AP1G1: variants seen among roughly 807,000 people sequenced by gnomAD.
The protein encoded by AP1G1 is AP-1 complex subunit gamma-1.
A neutral mutation model predicts 108.3 loss-of-function variants in AP1G1; 7 were observed. That is an observed-to-expected ratio of 0.06 (90% CI 0.04 to 0.12). AP1G1 has a LOEUF of 0.12. Among genes scored for constraint, AP1G1 ranks in the 10% least tolerant of loss-of-function variants. The pLI is 1.00. For missense variants in AP1G1, 756 were observed against 1,010.7 expected, an observed-to-expected ratio of 0.75 and a Z score of 3.42; for synonymous variants, 379 against 353.5, an observed-to-expected ratio of 1.07 and a Z score of -0.81.
intron 1 of AP1G1, 49 bp downstream of exon 1, chr16:71,808,714 G>T (rs932585747): frequency 1.6e-6 from 2 of 1,285,724 alleles, no homozygotes; most frequent in South Asian, 1.2e-5. Flanking sequence ...CCGCGGCAGC[G>T]GCGGGGCAAA....
chr16:71,743,545 G>C (rs4788442), intron 19 of AP1G1: 52,208 of 151,002 alleles, frequency 0.35, 9,792 homozygotes, highest in East Asian at 0.76. Context: ...AGAGGTTGAA[G>C]TGAGCCGAGA....
chr16:71,758,874 T>C lies in AP1G1; in HGVS notation c.1022A>G (p.Asn341Ser), dbSNP rs780483876. ...SLLKTVQTDH[N>S]AVQRHRSTIV... is the part of the protein sequence containing the mutation. ...TGTGCTTCTGTGCCTCTGTACTGCA[T>C]TATGATCTGTCTGTACAGTCTTCAA... The change falls in exon 11 of 23, where the codon AAT (asparagine) becomes AGT (serine). Residue 341 changes from asparagine to serine, a missense_variant. Transcript: ENST00000299980. The C allele has an allele frequency of 2.5e-6, 4 of 1,611,590 alleles. No individual in the cohort carries two copies. The highest frequency in any genetic ancestry group is 2.5e-6 in the Non-Finnish European group (3 of 1,179,306).
At chr16:71,782,324 C>A (rs561293891) in intron 2 of AP1G1, among the ~76,000 whole-genome samples, 1 of 151,588 alleles carries the variant, frequency 6.6e-6, no homozygotes, top group Admixed American at 6.6e-5. Flanking sequence ...CCACCATGCC[C>A]GGCTAATTTT....
intron 1 of AP1G1, among the ~76,000 whole-genome samples, chr16:71,790,527 C>CAAAAAAAA (rs56380847): frequency 9.5e-6 from 1 of 104,840 alleles, no homozygotes; most frequent in Non-Finnish European, 2.0e-5. Flanking sequence ...AACTCCATCT[C>CAAAAAAAA]AAAAAAAAAA....
In AP1G1 at chr16:71,806,775, C is replaced by T. The variant is rs114464910; in HGVS notation, c.-4+1988G>A. 1,026 of 1,155,462 alleles carry T rather than the reference C, an allele frequency of 8.9e-4. 12 individuals are homozygous for T. In the African/African-American group the frequency reaches 0.015, roughly 17 times the overall value. The allele number at this position is 1,155,462 out of a possible 1,614,324, so 71.6% of individuals were successfully genotyped here. A position where few individuals can be genotyped will look rare whatever the true frequency, so the allele number is the denominator to read the frequency against. On this transcript the variant is annotated intron_variant, in intron 1 of 22. Transcript: ENST00000299980. The stretch of plus-strand genomic sequence containing the variant: ...TCCATTGCTTCAGGGTAATACAGAA[C>T]TCACGTATCTAATAGTAACTAATAT...
At chr16:71,734,214 T>G (rs575047860) in intron 22 of AP1G1, among the ~76,000 whole-genome samples, 2 of 152,370 alleles carry the variant, frequency 1.3e-5, no homozygotes, top group Admixed American at 1.3e-4. Flanking sequence ...AAAGCTATTT[T>G]TCATTTGGCT....
intron 6 of AP1G1, chr16:71,766,373 G>A (rs891023988): frequency 4.6e-6 from 2 of 436,556 alleles, no homozygotes; most frequent in Non-Finnish European, 9.5e-6. Context: ...TATCCATTAA[G>A]AGTCCTAACA....
rs562500447 is a variant in AP1G1, at chr16:71,808,577, C to T, written c.-4+186G>A. On this transcript the variant is annotated intron_variant, in intron 1 of 22. Transcript: ENST00000299980. ...CCGGTCCGAGGCCTCGGGGTCGGCC[C>T]TCCAGAAGTCGGAGCAGCCCCTGGG... The T allele has an allele frequency of 7.0e-6, 9 of 1,289,310 alleles. No individual in the cohort carries two copies. In the African/African-American group the frequency reaches 1.4e-4, roughly 20 times the overall value. The allele number at this position is 1,289,310 out of a possible 1,614,324, so 79.9% of individuals were successfully genotyped here. A position where few individuals can be genotyped will look rare whatever the true frequency, so the allele number is the denominator to read the frequency against.
intron 1 of AP1G1, among the ~76,000 whole-genome samples, chr16:71,798,889 C>G (rs1375219211): frequency 6.7e-6 from 1 of 150,226 alleles, no homozygotes; most frequent in Non-Finnish European, 1.5e-5. Context: ...ACTCTGTCTC[C>G]CAGGAAAAAA....
In AP1G1 at chr16:71,808,272, G is replaced by A; in HGVS notation, c.-4+491C>T. 5 of 942,766 alleles carry A rather than the reference G, an allele frequency of 5.3e-6. No individual in the cohort carries two copies. The South Asian group carries it at 8.5e-5, about 16-fold the overall frequency. 58.4% of individuals were successfully genotyped at this position (942,766 alleles called of 1,614,324 possible). A position where few individuals can be genotyped will look rare whatever the true frequency, so the allele number is the denominator to read the frequency against. On this transcript the variant is annotated intron_variant, in intron 1 of 22. Transcript: ENST00000299980. ...CGGAAGGTTAGAGAGAGGCGAGGCCGATGTCCGGTTCCGAGAGGACGGCAC... is the reference window on the plus strand; with the variant it reads ...CGGAAGGTTAGAGAGAGGCGAGGCCAATGTCCGGTTCCGAGAGGACGGCAC...
chr16:71,805,016 A>G (rs1488701172), intron 1 of AP1G1, among the ~76,000 whole-genome samples: 3 of 152,074 alleles, frequency 2.0e-5, no homozygotes, highest in Admixed American at 2.0e-4. Context: ...GTCTCAATCA[A>G]TCAATCAATA....
rs1177518631 is a variant in AP1G1, at chr16:71,758,858, G to C, written c.1038C>G (p.His346Gln). Residue 346 changes from histidine to glutamine, a missense_variant, in exon 11 of 23, where the codon CAC becomes CAG. This residue lies in a region of AP1G1 where 304 missense variants were observed against 483.6 expected (regional missense o/e 0.63). Coordinates refer to ENST00000299980, the MANE Select transcript of AP1G1 (RefSeq NM_001128.6). ...TAAGACAGTCCACAATTGTGCTTCT[G>C]TGCCTCTGTACTGCATTATGATCTG... Reference protein sequence around the residue: ...VQTDHNAVQRHRSTIVDCLKD... With the variant: ...VQTDHNAVQRQRSTIVDCLKD... 1 of 1,611,846 alleles carries C rather than the reference G, an allele frequency of 6.2e-7. No homozygotes were observed. The highest frequency in any genetic ancestry group is 8.5e-7 in the Non-Finnish European group (1 of 1,179,420).
At chr16:71,747,319 A>G (rs962068138) in intron 16 of AP1G1, 1 of 152,218 alleles carries the variant, frequency 6.6e-6, no homozygotes, top group Non-Finnish European at 1.5e-5. Flanking sequence ...TATTCCTATT[A>G]AGACTTGTCA....
intron 2 of AP1G1, among the ~76,000 whole-genome samples, chr16:71,779,149 T>G (rs896982310): frequency 3.3e-5 from 5 of 152,106 alleles, no homozygotes. Context: ...GAGATCGAAG[T>G]TTTCAGCCCC....
Position 71,732,897 on chromosome 16 carries a change from T to C in AP1G1, c.*161A>G. On this transcript the variant is annotated 3_prime_UTR_variant, in exon 23 of 23. Transcript: ENST00000299980. ...AGGAGAGGACATTAGTCTTTAACAA[T>C]GCTTCAAGGTCAGCAGTAACTTTAG... 2 of 594,242 alleles carry C rather than the reference T, an allele frequency of 3.4e-6. No homozygotes were observed. The highest frequency in any genetic ancestry group is 4.3e-5 in the South Asian group (2 of 46,656). The allele number at this position is 594,242 out of a possible 1,614,324, so 36.8% of individuals were successfully genotyped here. A position where few individuals can be genotyped will look rare whatever the true frequency, so the allele number is the denominator to read the frequency against.
rs527720623 is a variant in AP1G1 at position 71,760,807 on chromosome 16, A to C, written c.974+705T>G. On this transcript the variant is annotated intron_variant, in intron 10 of 22. Transcript: ENST00000299980. ...CATGATCTACCCATCTCTGCCTCCCAAAGTGTTGGCATTACAGGGGTGAAC... is the reference window on the plus strand; with the variant it reads ...CATGATCTACCCATCTCTGCCTCCCCAAGTGTTGGCATTACAGGGGTGAAC... Among the ~76,000 whole-genome samples the C allele has an allele frequency of 7.9e-5, 12 of 152,244 alleles. No individual in the cohort carries two copies. In the East Asian group the frequency reaches 1.9e-3, roughly 24 times the overall value.
intron 1 of AP1G1, among the ~76,000 whole-genome samples, chr16:71,801,803 T>C (rs1460896761): frequency 1.3e-5 from 2 of 150,970 alleles, no homozygotes; most frequent in African/African-American, 2.4e-5. Flanking sequence ...GCGCCTGCAG[T>C]CCCAGCTACT....
intron 6 of AP1G1, among the ~76,000 whole-genome samples, chr16:71,766,783 G>C (rs1329830122): frequency 2.0e-5 from 3 of 152,066 alleles, no homozygotes; most frequent in Non-Finnish European, 4.4e-5. Flanking sequence ...ATAAACACAA[G>C]AAAACACAGT....
intron 2 of AP1G1, among the ~76,000 whole-genome samples, chr16:71,787,420 G>C (rs909163971): frequency 2.0e-5 from 3 of 152,056 alleles, no homozygotes; most frequent in African/African-American, 4.8e-5. Flanking sequence ...GAGCCCAGTA[G>C]GTTGAGGTGA....
Sources: gnomAD v4.1 joint callset for allele counts (sites outside exome capture counted in the v4.1 genomes callset) on GRCh38, gnomAD v4.1.1 for gene constraint, gnomAD v4.1.1 regional missense constraint, MANE v1.5 for transcripts, NCBI Gene and HGNC (gene_info 2026-07-23, HGNC 2026-07-21) for gene names.